The following C12orf42 variants were observed in gnomAD, a reference collection of about 807,000 sequenced individuals.
C12orf42 encodes chromosome 12 open reading frame 42.
A neutral mutation model predicts 21.6 loss-of-function variants in C12orf42; 25 were observed. The ratio of observed to expected loss-of-function variants is 1.16; its 90% confidence interval spans 0.84 to 1.62. C12orf42 has a LOEUF of 1.62. Ranked by LOEUF, C12orf42 falls within the 40% of genes most tolerant of loss-of-function variation. The probability of loss-of-function intolerance (pLI) is 0.00; values close to 1 mark genes in which losing one functional copy is unlikely to be tolerated. For synonymous variants in C12orf42, 174 were observed against 175.0 expected, an observed-to-expected ratio of 0.99 and a Z score of 0.05; for missense variants, 483 against 459.3, an observed-to-expected ratio of 1.05 and a Z score of -0.47.
chr12:103,439,245 AC>A (rs1238637441), intron 2 of C12orf42, among the ~76,000 whole-genome samples: 1 of 151,820 alleles, frequency 6.6e-6, no homozygotes, highest in African/African-American at 2.4e-5. Flanking sequence ...TACACCTTAT[AC>A]AAAAATCAAT....
chr12:103,068,577 C>T, the C12orf42 span, among the ~76,000 whole-genome samples: 1 of 151,912 alleles, frequency 6.6e-6, no homozygotes, highest in Non-Finnish European at 1.5e-5. Context: ...AGGAGATTAA[C>T]ATTTGAGTCA....
intron 4 of C12orf42, among the ~76,000 whole-genome samples, chr12:103,322,592 A>G (rs1593429987): frequency 6.6e-6 from 1 of 152,270 alleles, no homozygotes; most frequent in East Asian, 1.9e-4. Flanking sequence ...TGCTTTGGAT[A>G]TATGAGCCAC....
At chr12:103,060,727 G>T in the C12orf42 span, among the ~76,000 whole-genome samples, 3 of 152,256 alleles carry the variant, frequency 2.0e-5, no homozygotes, top group Non-Finnish European at 2.9e-5. Context: ...ATGGGGAAAG[G>T]TTTCCATATT....
chr12:103,329,682 G>C (rs900542109), intron 4 of C12orf42, among the ~76,000 whole-genome samples: 6 of 149,662 alleles, frequency 4.0e-5, no homozygotes, highest in African/African-American at 1.5e-4. Flanking sequence ...AAACACAAAG[G>C]CTTTTAGTTT....
chr12:103,140,368 C>A, the C12orf42 span, among the ~76,000 whole-genome samples: 1 of 152,158 alleles, frequency 6.6e-6, no homozygotes, highest in African/African-American at 2.4e-5. Context: ...CAGCAGAATG[C>A]CAACCTATGT....
the C12orf42 span, among the ~76,000 whole-genome samples, chr12:103,190,262 G>T: frequency 2.6e-5 from 4 of 152,180 alleles, no homozygotes; most frequent in Non-Finnish European, 5.9e-5. Context: ...GAAAGAGAGA[G>T]TGAGAAGACT....
the C12orf42 span, among the ~76,000 whole-genome samples, chr12:103,220,702 G>A: frequency 1.6e-4 from 7 of 44,168 alleles, no homozygotes; most frequent in Non-Finnish European, 2.6e-4. Context: ...GGCCTCCCCC[G>A]CTCCCTCCCT....
At chr12:103,546,522 A>G in the C12orf42 span, among the ~76,000 whole-genome samples, 1 of 152,202 alleles carries the variant, frequency 6.6e-6, no homozygotes, top group African/African-American at 2.4e-5. Flanking sequence ...TTTCCTGGGA[A>G]TCTTAAAAGA....
the C12orf42 span, among the ~76,000 whole-genome samples, chr12:103,117,531 G>T: frequency 1.3e-5 from 2 of 152,158 alleles, no homozygotes. Context: ...GTTACTTATT[G>T]CATTCCAGGC....
chr12:103,417,666 T>C (rs2049480627), intron 2 of C12orf42, among the ~76,000 whole-genome samples: 1 of 152,324 alleles, frequency 6.6e-6, no homozygotes. Context: ...TTTGAGAAGA[T>C]AAACTATCTT....
the C12orf42 span, among the ~76,000 whole-genome samples, chr12:103,521,163 G>A: frequency 6.6e-6 from 1 of 152,220 alleles, no homozygotes; most frequent in African/African-American, 2.4e-5. Flanking sequence ...CCATTAGTCT[G>A]AGATGGCTCC....
the C12orf42 span, among the ~76,000 whole-genome samples, chr12:103,118,180 C>T: frequency 2.0e-5 from 3 of 152,198 alleles, no homozygotes; most frequent in East Asian, 5.8e-4. Flanking sequence ...GCCTGCCTTC[C>T]TCACTTGACA....
the C12orf42 span, among the ~76,000 whole-genome samples, chr12:103,532,012 G>A: frequency 2.0e-5 from 3 of 152,078 alleles, no homozygotes; most frequent in East Asian, 3.9e-4. Context: ...TTAACATGTC[G>A]CATAAACACA....
chr12:103,415,678 C>A (rs1368685228), intron 2 of C12orf42, among the ~76,000 whole-genome samples: 1 of 152,148 alleles, frequency 6.6e-6, no homozygotes, highest in Non-Finnish European at 1.5e-5. Context: ...CCATGACCGC[C>A]TGAGACTCAT....
the C12orf42 span, among the ~76,000 whole-genome samples, chr12:103,170,280 G>T: frequency 2.0e-5 from 3 of 151,908 alleles, no homozygotes; most frequent in Admixed American, 1.3e-4. Context: ...ATTCTTAATT[G>T]CATGCTTAAT....
intron 4 of C12orf42, among the ~76,000 whole-genome samples, chr12:103,323,866 T>C (rs1773576201): frequency 1.3e-5 from 2 of 152,206 alleles, no homozygotes; most frequent in Admixed American, 1.3e-4. Context: ...ATATAACATA[T>C]TATAATGCAG....
chr12:103,420,284 T>A (rs747830640), intron 2 of C12orf42, among the ~76,000 whole-genome samples: 4 of 152,208 alleles, frequency 2.6e-5, no homozygotes, highest in African/African-American at 9.6e-5. Flanking sequence ...CCTTTGTGCT[T>A]ACAAAAACAA....
chr12:103,373,397 C>G (rs1263295133), intron 3 of C12orf42, among the ~76,000 whole-genome samples: 1 of 152,196 alleles, frequency 6.6e-6, no homozygotes, highest in Non-Finnish European at 1.5e-5. Flanking sequence ...AACCCCTCTC[C>G]TCCCAAGTCA....
chr12:103,472,377 A>G (rs148829798), intron 2 of C12orf42, among the ~76,000 whole-genome samples: 15 of 152,318 alleles, frequency 9.8e-5, no homozygotes, highest in African/African-American at 3.6e-4. Context: ...TAAAATTAGA[A>G]ACAAGCCTTA....
Sources: gnomAD v4.1 joint callset for allele counts (sites outside exome capture counted in the v4.1 genomes callset) on GRCh38, gnomAD v4.1.1 for gene constraint, MANE v1.5 for transcripts, NCBI Gene and HGNC (gene_info 2026-07-23, HGNC 2026-07-21) for gene names.